Variants in GHR observed in about 807,000 individuals in gnomAD.
GHR encodes GH receptor.
A neutral mutation model predicts 67.1 loss-of-function variants in GHR; 35 were observed. That is an observed-to-expected ratio of 0.52 (90% confidence interval 0.40 to 0.69). The LOEUF (loss-of-function observed/expected upper bound fraction) is 0.69. GHR is among the 30% of genes least tolerant of loss of function. The probability of loss-of-function intolerance (pLI) is 0.00; values close to 1 mark genes in which losing one functional copy is unlikely to be tolerated. For missense variants in GHR, 792 were observed against 764.6 expected, an observed-to-expected ratio of 1.04 and a Z score of -0.42; for synonymous variants, 272 against 269.1, an observed-to-expected ratio of 1.01 and a Z score of -0.10.
intron 3 of GHR, among the ~76,000 whole-genome samples, chr5:42,685,020 T>C (rs974458057): frequency 3.3e-5 from 5 of 152,112 alleles, no homozygotes; most frequent in African/African-American, 9.7e-5. Context: ...GGTATACATG[T>C]GCCATGGTGG....
intron 3 of GHR, among the ~76,000 whole-genome samples, chr5:42,675,238 G>A (rs1561218160): frequency 6.6e-6 from 1 of 152,140 alleles, no homozygotes; most frequent in African/African-American, 2.4e-5. Flanking sequence ...GTAAGTTATA[G>A]GTCTTTGAGG....
At chr5:42,717,941 G>A in intron 8 of GHR, 111 bp from the exon 9 acceptor site, 1 of 687,724 alleles carries the variant, frequency 1.5e-6, no homozygotes, top group Non-Finnish European at 2.7e-6. Context: ...TAAAGTACCA[G>A]AATATTTGGA....
At chr5:42,571,343 T>C (rs1750300888) in intron 2 of GHR, among the ~76,000 whole-genome samples, 1 of 152,214 alleles carries the variant, frequency 6.6e-6, no homozygotes. Context: ...CTCAGGCTAC[T>C]ATGCAGTGAG....
At chr5:42,528,553 A>G (rs1307634484) in intron 1 of GHR, among the ~76,000 whole-genome samples, 5 of 152,210 alleles carry the variant, frequency 3.3e-5, no homozygotes, top group East Asian at 1.9e-4. Context: ...TTGAGATGGA[A>G]TCTACTCCTG....
intron 1 of GHR, among the ~76,000 whole-genome samples, chr5:42,507,802 T>C (rs538084052): frequency 1.3e-5 from 2 of 152,268 alleles, no homozygotes; most frequent in East Asian, 3.9e-4. Context: ...TGGAGAGACA[T>C]AGGCTAGGCC....
chr5:42,660,103 G>A (rs186528145), intron 3 of GHR, among the ~76,000 whole-genome samples: 11 of 152,294 alleles, frequency 7.2e-5, no homozygotes, highest in Non-Finnish European at 1.0e-4. Context: ...CAAAGCAGGC[G>A]GGAATCTCGA....
intron 1 of GHR, among the ~76,000 whole-genome samples, chr5:42,554,683 G>A (rs756716375): frequency 6.6e-6 from 1 of 151,942 alleles, no homozygotes; most frequent in South Asian, 2.1e-4. Context: ...CACTTGAAAT[G>A]GAACTAGTTT....
chr5:42,544,207 A>G (rs1480226824), intron 1 of GHR, among the ~76,000 whole-genome samples: 1 of 152,186 alleles, frequency 6.6e-6, no homozygotes, highest in African/African-American at 2.4e-5. Context: ...ATATGTATAA[A>G]ATAGCAGAAA....
intron 1 of GHR, among the ~76,000 whole-genome samples, chr5:42,479,834 C>A (rs1745534489): frequency 6.6e-6 from 1 of 152,116 alleles, no homozygotes; most frequent in African/African-American, 2.4e-5. Context: ...TTCAAAAAAC[C>A]AGCTCCTGGA....
intron 1 of GHR, among the ~76,000 whole-genome samples, chr5:42,486,708 G>A (rs1433768695): frequency 1.6e-4 from 25 of 152,058 alleles, no homozygotes; most frequent in Admixed American, 1.6e-3. Context: ...TTAACCGGGC[G>A]TCGTGGCGGG....
At chr5:42,509,415 G>A (rs1022863906) in intron 1 of GHR, among the ~76,000 whole-genome samples, 49 of 152,084 alleles carry the variant, frequency 3.2e-4, no homozygotes, top group African/African-American at 8.9e-4. Context: ...CTAACTCTGC[G>A]CAGATAACCT....
chr5:42,666,326 T>G (rs1428001918), intron 3 of GHR, among the ~76,000 whole-genome samples: 2 of 152,132 alleles, frequency 1.3e-5, no homozygotes, highest in Admixed American at 1.3e-4. Context: ...ACTATTATCA[T>G]TTTGACATGT....
intron 6 of GHR, among the ~76,000 whole-genome samples, chr5:42,707,555 C>A (rs1758237965): frequency 6.7e-6 from 1 of 149,922 alleles, no homozygotes; most frequent in African/African-American, 2.5e-5. Flanking sequence ...GCAGTATGGT[C>A]ATCTTAACAA....
chr5:42,483,583 A>G (rs1219050306), intron 1 of GHR, among the ~76,000 whole-genome samples: 4 of 152,108 alleles, frequency 2.6e-5, no homozygotes, highest in Non-Finnish European at 5.9e-5. Flanking sequence ...AGGAATAGGG[A>G]AGTCATGTAT....
At chr5:42,619,626 C>A (rs1216879497) in intron 2 of GHR, 1 of 152,122 alleles carries the variant, frequency 6.6e-6, no homozygotes, top group Non-Finnish European at 1.5e-5. Flanking sequence ...CACACAGCAA[C>A]TCTAACTCAG....
intron 3 of GHR, chr5:42,646,347 C>T (rs1160181612): frequency 4.4e-6 from 2 of 454,776 alleles, no homozygotes; most frequent in Admixed American, 4.7e-5. Context: ...GGTCCATGCT[C>T]ACATATCAAG....
At chr5:42,639,367 G>GATGTA (rs1754356802) in intron 3 of GHR, among the ~76,000 whole-genome samples, 1 of 152,132 alleles carries the variant, frequency 6.6e-6, no homozygotes, top group Non-Finnish European at 1.5e-5. Flanking sequence ...AATCATAATA[G>GATGTA]ATGTATTTTC....
intron 1 of GHR, chr5:42,465,357 A>C: frequency 1.1e-6 from 1 of 879,836 alleles, no homozygotes; most frequent in Non-Finnish European, 1.8e-6. Flanking sequence ...CCCACCAGTA[A>C]GAGAAAGTTA....
At chr5:42,573,024 C>A (rs1240068959) in intron 2 of GHR, among the ~76,000 whole-genome samples, 2 of 152,134 alleles carry the variant, frequency 1.3e-5, no homozygotes, top group African/African-American at 4.8e-5. Context: ...ACAAAATGAC[C>A]ATTCCATGCC....
Sources: allele counts gnomAD v4.1 joint callset (sites outside exome capture counted in the v4.1 genomes callset), GRCh38; gene constraint gnomAD v4.1.1; transcripts MANE v1.5; gene names NCBI Gene and HGNC (gene_info 2026-07-23, HGNC 2026-07-21).